The following CHD5 variants were observed in gnomAD, a reference collection of about 807,000 sequenced individuals.
The protein encoded by CHD5 is ATP-dependent chromatin remodeler CHD5.
Under a neutral mutation model 230.3 loss-of-function variants are expected in CHD5, and 69 were observed. That is an observed-to-expected ratio of 0.30 (90% CI 0.25 to 0.37). The LOEUF (loss-of-function observed/expected upper bound fraction) is 0.37. Among genes scored for constraint, CHD5 ranks in the 10% least tolerant of loss-of-function variants. CHD5 has a pLI of 1.00. For synonymous variants in CHD5, 1,064 were observed against 1,065.9 expected, an observed-to-expected ratio of 1.00 and a Z score of 0.03; for missense variants, 1,827 against 2,622.8, an observed-to-expected ratio of 0.70 and a Z score of 6.63.
At chr1:6,107,953 TGATGGAGGGATGGAAG>T (rs1459683606) in intron 38 of CHD5, among the ~76,000 whole-genome samples, 1 of 98,668 alleles carries the variant, frequency 1.0e-5, no homozygotes, top group African/African-American at 4.1e-5. Flanking sequence ...AGGGACGGGA[TGATGGAGGGATGGAAG>T]GATGGAGGGA....
In CHD5 at chr1:6,102,271, TA is replaced by T. The variant is rs1027407423; in HGVS notation, c.*3202del. 3 of 153,246 alleles carry T rather than the reference TA, an allele frequency of 2.0e-5. No individual in the cohort carries two copies. Among genetic ancestry groups the T allele is most frequent in the African/African-American group, 7.5e-5 (3 of 40,236 alleles). The allele number at this position is 153,246 out of a possible 1,614,324, so 9.5% of individuals were successfully genotyped here. A position where few individuals can be genotyped will look rare whatever the true frequency, so the allele number is the denominator to read the frequency against. The stretch of plus-strand genomic sequence containing the variant: ...TTGTTTAAAAAAAAAATCTGAAAAT[TA>T]AAGAAAAAAAAAACACAACGCCAGT... On this transcript the variant is annotated 3_prime_UTR_variant, in exon 42 of 42. Coordinates refer to ENST00000262450, the MANE Select transcript of CHD5 (RefSeq NM_015557.3).
intron 35 of CHD5, 81 bp from the exon 36 acceptor site, chr1:6,111,964 C>T (rs1320939491): frequency 1.4e-6 from 2 of 1,412,428 alleles, no homozygotes; most frequent in East Asian, 2.4e-5. Flanking sequence ...CGCTCCCTCC[C>T]TACTTGCCAC....
In CHD5 at chr1:6,105,291, C is replaced by G. The variant is rs1666143613; in HGVS notation, c.*183G>C. The G allele has an allele frequency of 1.5e-5, 6 of 405,426 alleles. No individual in the cohort carries two copies. Among genetic ancestry groups the G allele is most frequent in the Non-Finnish European group, 3.0e-5 (6 of 199,678 alleles). 25.1% of individuals were successfully genotyped at this position (405,426 alleles called of 1,614,324 possible). On this transcript the variant is annotated 3_prime_UTR_variant, in exon 42 of 42. Transcript: ENST00000262450. This position sits in a 1 kb window ranked among gnomAD's most constrained non-coding sequence, Gnocchi z 4.8. The stretch of plus-strand genomic sequence containing the variant: ...ATGAGGTGGCACTTCTGGGCTCTGG[C>G]CCAGCTGAGCTGGGCCTCGTCCTCC...
chr1:6,122,388 A>G (rs1666485862), intron 31 of CHD5, among the ~76,000 whole-genome samples: 1 of 152,242 alleles, frequency 6.6e-6, no homozygotes. Flanking sequence ...CACACCGAAC[A>G]ACATTCAGCG....
intron 1 of CHD5, among the ~76,000 whole-genome samples, chr1:6,174,298 C>G (rs1231016522): frequency 6.6e-6 from 1 of 152,110 alleles, no homozygotes; most frequent in Admixed American, 6.5e-5. Context: ...AGCAAAAGCC[C>G]AGAAAGTTAG....
chr1:6,133,612 C>G (rs995444053), intron 20 of CHD5, among the ~76,000 whole-genome samples: 1 of 152,252 alleles, frequency 6.6e-6, no homozygotes, highest in Non-Finnish European at 1.5e-5. Context: ...GACTGAGCAG[C>G]TTGAGGACAG....
intron 33 of CHD5, among the ~76,000 whole-genome samples, chr1:6,119,814 C>CGT (rs1318525599): frequency 1.4e-5 from 2 of 144,922 alleles, no homozygotes; most frequent in African/African-American, 5.0e-5. Context: ...TACATATATA[C>CGT]GTATATATAT....
chr1:6,125,093 C>T lies in CHD5; in HGVS notation c.4394+7G>A, dbSNP rs1440241548. 3 of 1,578,446 alleles carry T rather than the reference C, an allele frequency of 1.9e-6. No homozygotes were observed. Among genetic ancestry groups the T allele is most frequent in the Non-Finnish European group, 2.6e-6 (3 of 1,161,734 alleles). On this transcript the variant is annotated splice_region_variant and intron_variant, in intron 29 of 41. Transcript: ENST00000262450. This position sits in a 1 kb window ranked among gnomAD's most constrained non-coding sequence, Gnocchi z 6.7. ...TCACACCCTGGGCCACCACCTAGCC[C>T]CTTTACCTAAACTCCTTCTCGCTCT...
intron 17 of CHD5, among the ~76,000 whole-genome samples, chr1:6,135,683 GC>G: frequency 6.6e-6 from 1 of 152,156 alleles, no homozygotes; most frequent in Non-Finnish European, 1.5e-5. Flanking sequence ...TCTGATGAGT[GC>G]CCGAGTTGAT....
At position 6,125,555 on chromosome 1, in the gene CHD5, G is replaced by A. The variant is rs1253919554; in HGVS notation, c.4229C>T (p.Pro1410Leu). 1.2e-6 allele frequency: 2 copies of A among 1,600,356 alleles called. No individual in the cohort carries two copies. The highest frequency in any genetic ancestry group is 1.7e-6 in the Non-Finnish European group (2 of 1,172,770). ...LKSDRDKPLP[P>L]LLARVGGNIE... ...GTTGCCACCAACTCGGGCGAGAAGC[G>A]GGGGCAGGGGCTTGTCCCTGTCACT... Residue 1410 changes from proline (P) to leucine (L), a missense_variant, in exon 28 of 42, where the codon CCG (proline) becomes CTG (leucine). Physicochemically the swap from Pro to Leu is moderately conservative, Grantham distance 98. Transcript: ENST00000262450. The surrounding 1 kb of genome is among the most constrained non-coding windows in gnomAD (Gnocchi z 6.7).
rs1406806943 is a variant in CHD5, at chr1:6,101,945, C to T, written c.*3529G>A. 2.5e-6 allele frequency: 1 copy of T among 407,942 alleles called. No homozygotes were observed. The highest frequency in any genetic ancestry group is 2.2e-5 in the African/African-American group (1 of 45,930). 25.3% of individuals were successfully genotyped at this position (407,942 alleles called of 1,614,324 possible). ...TCACAGGGGAGCCTGGCTTCCAAAG[C>T]TGGACCCGCCCCCGCCGGGGCCACC... On this transcript the variant is annotated 3_prime_UTR_variant, in exon 42 of 42. Transcript: ENST00000262450.
rs1489711711 is a variant in CHD5, at chr1:6,131,816, CCCCGCCACAGGCAGGGGAGGAGAG to C, written c.3145-92_3145-69del. The C allele has an allele frequency of 1.9e-5, 18 of 957,074 alleles. No individual in the cohort carries two copies. The highest frequency in any genetic ancestry group is 3.0e-5 in the Non-Finnish European group (18 of 601,076). 59.3% of individuals were successfully genotyped at this position (957,074 alleles called of 1,614,324 possible). A position where few individuals can be genotyped will look rare whatever the true frequency, so the allele number is the denominator to read the frequency against. ...GGGCCCCATGGGCCATGGGCGGGGA[CCCCGCCACAGGCAGGGGAGGAGAG>C]AGCTGCCTGCTAGGTGGGGAGACAG... On this transcript the variant is annotated intron_variant, in intron 20 of 41. Transcript: ENST00000262450. This position sits in a 1 kb window ranked among gnomAD's most constrained non-coding sequence, Gnocchi z 5.0.
At chr1:6,160,944 G>A (rs972128750) in intron 2 of CHD5, among the ~76,000 whole-genome samples, 1 of 152,242 alleles carries the variant, frequency 6.6e-6, no homozygotes. Flanking sequence ...TTCCCAGGGA[G>A]GGGCCGGGCA....
chr1:6,110,135 T>C (rs1666261819), intron 37 of CHD5, 145 bp from the exon 38 acceptor site: 1 of 928,158 alleles, frequency 1.1e-6, no homozygotes, highest in Non-Finnish European at 1.6e-6. Context: ...CCTGGCCTGG[T>C]GGTGGCCAAC....
At chr1:6,166,778 C>G (rs544342587) in intron 2 of CHD5, among the ~76,000 whole-genome samples, 19 of 152,262 alleles carry the variant, frequency 1.2e-4, no homozygotes, top group Non-Finnish European at 2.5e-4. Flanking sequence ...CCCACCACCA[C>G]CATCTCTCCC....
chr1:6,149,117 C>G, intron 8 of CHD5, 42 bp from the exon 9 acceptor site: 1 of 1,472,552 alleles, frequency 6.8e-7, no homozygotes, highest in African/African-American at 1.4e-5. Context: ...GGCGGGGTCC[C>G]CGCTCCACCA....
chr1:6,146,530 C>T lies in CHD5; in HGVS notation c.1591-107G>A, dbSNP rs72852035. 7.3e-3 allele frequency: 10,222 copies of T among 1,401,714 alleles called. 597 individuals are homozygous for T. In the African/African-American group the frequency reaches 0.12, roughly 17 times the overall value. The allele number at this position is 1,401,714 out of a possible 1,614,324, so 86.8% of individuals were successfully genotyped here. ...AGCCCAGGTCCCAGGCAGGACAATC[C>T]TCCCGCTCAGCACCACCCCAACTCC... is the stretch of plus-strand genomic sequence containing the variant. On this transcript the variant is annotated intron_variant, in intron 10 of 41. Transcript: ENST00000262450. The surrounding 1 kb of genome is among the most constrained non-coding windows in gnomAD (Gnocchi z 5.1).
At chr1:6,145,633 T>C (rs1313649427) in intron 11 of CHD5, among the ~76,000 whole-genome samples, 1 of 152,150 alleles carries the variant, frequency 6.6e-6, no homozygotes, top group African/African-American at 2.4e-5. Context: ...GCCAGACTGC[T>C]CCAGGAAGAG....
Position 6,179,951 on chromosome 1 carries a change from T to C in CHD5, c.73A>G (p.Met25Val). The C allele has an allele frequency of 7.4e-7, 1 of 1,347,816 alleles. No homozygotes were observed. The highest frequency in any genetic ancestry group is 9.7e-7 in the Non-Finnish European group (1 of 1,033,784). 83.5% of individuals were successfully genotyped at this position (1,347,816 alleles called of 1,614,324 possible). The change falls in exon 1 of 42, where the codon ATG becomes GTG. Residue 25 changes from methionine to valine, a missense_variant. Coordinates refer to ENST00000262450, the MANE Select transcript of CHD5 (RefSeq NM_015557.3). ...FAEEMENEDE[M>V]SEEEDGGLEA... ...GCACCCGCGCCCCGCTCACCTGACA[T>C]CTCGTCCTCATTCTCCATCTCCTCG...
Sources: allele counts gnomAD v4.1 joint callset (sites outside exome capture counted in the v4.1 genomes callset), GRCh38; gene constraint gnomAD v4.1.1; non-coding constraint Gnocchi (gnomAD v3.1); transcripts MANE v1.5; gene names NCBI Gene and HGNC (gene_info 2026-07-23, HGNC 2026-07-21).